Variants in SMG7 observed in about 807,000 individuals in gnomAD.
The protein encoded by SMG7 is nonsense-mediated mRNA decay factor SMG7.
In SMG7, 34 loss-of-function variants were observed where a neutral mutation model predicts 148.2. The ratio of observed to expected loss-of-function variants is 0.23; its 90% confidence interval spans 0.17 to 0.31. The LOEUF is 0.31. Among genes scored for constraint, SMG7 ranks in the 10% least tolerant of loss-of-function variants. The pLI is 1.00. For synonymous variants in SMG7, 492 were observed against 515.1 expected (o/e 0.96, Z 0.61); for missense variants, 1,114 against 1,408.4 (o/e 0.79, Z 3.35).
At chr1:183,472,934 T>G in intron 1 of SMG7, 18 of 364,544 alleles carry the variant, frequency 4.9e-5, no homozygotes, top group South Asian at 1.3e-4. Flanking sequence ...GGTCTCGGGT[T>G]TGCTAGCGAG....
At chr1:183,506,493 A>G (rs903019044) in intron 1 of SMG7, among the ~76,000 whole-genome samples, 1 of 152,176 alleles carries the variant, frequency 6.6e-6, no homozygotes, top group Non-Finnish European at 1.5e-5. Context: ...CATTAAGTGC[A>G]TGCTTACTTT....
In SMG7 at chr1:183,552,028, T is replaced by C; in HGVS notation, c.*97T>C. The C allele has an allele frequency of 7.1e-7, 1 of 1,415,882 alleles. No individual in the cohort carries two copies. The highest frequency in any genetic ancestry group is 2.6e-5 in the East Asian group (1 of 38,508). 87.7% of individuals were successfully genotyped at this position (1,415,882 alleles called of 1,614,324 possible). ...CAGTCCCCTGCAGGTGGCAGCCCTC[T>C]TTTCTGTTTCTCGCTGTCAAGAGGG... is the stretch of plus-strand genomic sequence containing the variant. On this transcript the variant is annotated 3_prime_UTR_variant, in exon 23 of 23. Coordinates refer to ENST00000688051, the MANE Select transcript of SMG7 (RefSeq NM_001375584.1).
intron 1 of SMG7, 145 bp from the exon 2 acceptor site, chr1:183,512,692 C>T: frequency 4.2e-6 from 3 of 720,684 alleles, no homozygotes; most frequent in Non-Finnish European, 6.8e-6. Flanking sequence ...AGTAGGGATG[C>T]TGTTTGCAGT....
intron 13 of SMG7, 152 bp downstream of exon 13, chr1:183,541,255 G>A: frequency 2.9e-6 from 2 of 679,188 alleles, no homozygotes; most frequent in Middle Eastern, 5.2e-4. Context: ...AAATCGACAT[G>A]TTGGTAGCAC....
At chr1:183,502,714 C>T (rs557625351) in intron 1 of SMG7, among the ~76,000 whole-genome samples, 1 of 151,972 alleles carries the variant, frequency 6.6e-6, no homozygotes, top group Non-Finnish European at 1.5e-5. Context: ...TGATTTATAC[C>T]TCATCCTTTA....
At chr1:183,474,034 A>G (rs1651462243) in intron 1 of SMG7, 1 of 231,914 alleles carries the variant, frequency 4.3e-6, no homozygotes, top group Non-Finnish European at 7.1e-6. Context: ...CACAACATAT[A>G]TGCCCAGTGA....
chr1:183,521,866 A>AG (rs1294303810), intron 4 of SMG7, among the ~76,000 whole-genome samples: 1 of 151,760 alleles, frequency 6.6e-6, no homozygotes, highest in Non-Finnish European at 1.5e-5. Context: ...CTCAAAAAAA[A>AG]AAAAAAAAGA....
intron 13 of SMG7, 56 bp downstream of exon 13, chr1:183,541,159 T>TGC: frequency 1.9e-6 from 3 of 1,546,574 alleles, no homozygotes; most frequent in Non-Finnish European, 2.7e-6. Flanking sequence ...GATAAACACA[T>TGC]GCGCGCACAC....
At chr1:183,515,602 ATTC>A (rs1218796413) in intron 2 of SMG7, among the ~76,000 whole-genome samples, 4 of 141,986 alleles carry the variant, frequency 2.8e-5, no homozygotes, top group Non-Finnish European at 6.1e-5. Context: ...AGGGCAAACC[ATTC>A]TTTTTTTTTT....
In SMG7 at chr1:183,551,090, C is replaced by T. The variant is rs1449360554; in HGVS notation, c.3350C>T (p.Ser1117Phe). ...GATTATCTCTCAGCAACGTCATCCT[C>T]TGAGAGCAGTTGGCATCAGGCCAGC... ...GIDYLSATSS[S>F]ESSWHQASTP... The change falls in exon 22 of 23, where the codon TCT (serine) becomes TTT (phenylalanine). Residue 1117 changes from serine (S) to phenylalanine (F), a missense_variant. By Grantham distance (155) the Ser-to-Phe change is radical (BLOSUM62 -2). Transcript: ENST00000688051. 2 of 1,613,840 alleles carry T rather than the reference C, an allele frequency of 1.2e-6. No homozygotes were observed. The highest frequency in any genetic ancestry group is 1.1e-5 in the South Asian group (1 of 91,038).
At chr1:183,518,653 C>T (rs539558626) in intron 4 of SMG7, 6 of 152,256 alleles carry the variant, frequency 3.9e-5, no homozygotes, top group South Asian at 2.1e-4. Context: ...TCCTTAGTCA[C>T]GTCCTGATAG....
rs139340410 is a variant in SMG7 at position 183,508,517 on chromosome 1, A to C, written c.30-4320A>C. ...TATTTTTTTCTTTATAAAGTAAAAT[A>C]ATGATATAGCCAATTTTGTGCTAAT... is the stretch of plus-strand genomic sequence containing the variant. On this transcript the variant is annotated intron_variant, in intron 1 of 22. Coordinates refer to ENST00000688051, the MANE Select transcript of SMG7 (RefSeq NM_001375584.1). Among the ~76,000 whole-genome samples the C allele has an allele frequency of 9.5e-3, 1,453 of 152,330 alleles. 16 individuals carry two copies. The highest frequency in any genetic ancestry group is 0.054 in the South Asian group (259 of 4,830).
chr1:183,540,909 A>G (rs1668699865), intron 12 of SMG7, 75 bp from the exon 13 acceptor site: 2 of 1,423,926 alleles, frequency 1.4e-6, no homozygotes, highest in Non-Finnish European at 2.0e-6. Flanking sequence ...ATTACAGTTA[A>G]TCAGGTGAAC....
At chr1:183,540,282 A>G (rs536730800) in intron 12 of SMG7, among the ~76,000 whole-genome samples, 1 of 152,206 alleles carries the variant, frequency 6.6e-6, no homozygotes, top group South Asian at 2.1e-4. Flanking sequence ...CTTTTACTAT[A>G]TTCACTTAAT....
In SMG7 at chr1:183,472,593, C is replaced by G. The variant is rs1457335184; in HGVS notation, c.-28C>G. On this transcript the variant is annotated 5_prime_UTR_variant, in exon 1 of 23. Transcript: ENST00000688051. ...GCCTGAGAGACCCACGGAGGCTTCGCGGGAAGACGCGGCGGCGGCGGCGGA... is the reference window on the plus strand; with the variant it reads ...GCCTGAGAGACCCACGGAGGCTTCGGGGGAAGACGCGGCGGCGGCGGCGGA... The G allele has an allele frequency of 7.0e-7, 1 of 1,432,642 alleles. No homozygotes were observed. The highest frequency in any genetic ancestry group is 9.2e-7 in the Non-Finnish European group (1 of 1,082,330). The allele number at this position is 1,432,642 out of a possible 1,614,324, so 88.7% of individuals were successfully genotyped here.
At chr1:183,545,873 A>C (rs1320021597) in intron 16 of SMG7, 93 bp from the exon 17 acceptor site, 26 of 1,448,892 alleles carry the variant, frequency 1.8e-5, no homozygotes, top group Non-Finnish European at 2.3e-5. Flanking sequence ...GTTGGTTGGA[A>C]AACACCCCAA....
rs575625069 is a variant in SMG7, at chr1:183,473,317, A to G, written c.29+668A>G. ...GTTTTTCAGAAGAAACTGGGTTAGA[A>G]TCAGTGTAGTCGGAAGATACCATTC... On this transcript the variant is annotated intron_variant, in intron 1 of 22. Coordinates refer to ENST00000688051, the MANE Select transcript of SMG7 (RefSeq NM_001375584.1). Among the ~76,000 whole-genome samples, 11 of 152,104 alleles carry G rather than the reference A, an allele frequency of 7.2e-5. No homozygotes were observed. In the East Asian group the frequency reaches 2.1e-3, roughly 29 times the overall value.
At position 183,498,618 on chromosome 1, in the gene SMG7, A is replaced by G. The variant is rs74795087; in HGVS notation, c.30-14219A>G. Among the ~76,000 whole-genome samples the G allele has an allele frequency of 7.2e-5, 11 of 152,352 alleles. No individual in the cohort carries two copies. In the East Asian group the frequency reaches 1.3e-3, roughly 19 times the overall value. On this transcript the variant is annotated intron_variant, in intron 1 of 22. Transcript: ENST00000688051. The stretch of plus-strand genomic sequence containing the variant: ...TTTCTTTTTCCTTTAAAGCAGCTTT[A>G]GGTTTACAGACAAATTGCGAGAAAG...
chr1:183,492,409 A>G (rs1229631080), intron 1 of SMG7, among the ~76,000 whole-genome samples: 2 of 152,136 alleles, frequency 1.3e-5, no homozygotes, highest in African/African-American at 4.8e-5. Flanking sequence ...GTTCTGTCCT[A>G]TTTCTCTGCA....
Sources: allele counts gnomAD v4.1 joint callset (sites outside exome capture counted in the v4.1 genomes callset), GRCh38; gene constraint gnomAD v4.1.1; transcripts MANE v1.5; gene names NCBI Gene and HGNC (gene_info 2026-07-23, HGNC 2026-07-21).